Variants in TULP4 observed in about 807,000 individuals in gnomAD.
TULP4 encodes the protein TUB like protein 4, also known as tubby-related protein 4.
Under a neutral mutation model 129.0 loss-of-function variants are expected in TULP4, and 16 were observed. That is an observed-to-expected ratio of 0.12 (90% CI 0.08 to 0.19). TULP4 has a LOEUF of 0.19. TULP4 is among the 10% of genes least tolerant of loss of function. The probability of loss-of-function intolerance (pLI) is 1.00; values close to 1 mark genes in which losing one functional copy is unlikely to be tolerated. For missense variants in TULP4, 1,842 were observed against 2,059.1 expected, an observed-to-expected ratio of 0.89 and a Z score of 2.04; for synonymous variants, 998 against 854.0, an observed-to-expected ratio of 1.17 and a Z score of -2.94.
intron 1 of TULP4, among the ~76,000 whole-genome samples, chr6:158,331,743 ACG>A (rs1491521576): frequency 0.021 from 814 of 38,602 alleles, 165 homozygotes; most frequent in Non-Finnish European, 0.037. Flanking sequence ...GTATATATAT[ACG>A]TGTATATACA....
intron 1 of TULP4, among the ~76,000 whole-genome samples, chr6:158,344,027 C>CA (rs1780246431): frequency 6.6e-6 from 1 of 152,160 alleles, no homozygotes; most frequent in Non-Finnish European, 1.5e-5. Context: ...TGATTTGTTT[C>CA]TTCCCCACCC....
chr6:158,382,150 AAACT>A (rs1302891334), intron 1 of TULP4, among the ~76,000 whole-genome samples: 1 of 152,182 alleles, frequency 6.6e-6, no homozygotes, highest in Non-Finnish European at 1.5e-5. Flanking sequence ...CACTTGTATT[AAACT>A]AACTGTCATG....
At chr6:158,458,183 G>A (rs568635518) in intron 5 of TULP4, among the ~76,000 whole-genome samples, 1 of 152,210 alleles carries the variant, frequency 6.6e-6, no homozygotes, top group Non-Finnish European at 1.5e-5. Flanking sequence ...AAATTTAGCT[G>A]CCTCTTTTTG....
intron 1 of TULP4, among the ~76,000 whole-genome samples, chr6:158,359,725 A>C (rs1157541491): frequency 6.6e-6 from 1 of 152,184 alleles, no homozygotes; most frequent in Non-Finnish European, 1.5e-5. Flanking sequence ...ACAATAGTTT[A>C]TATCCTTCAG....
At chr6:158,310,340 A>C (rs574068665), upstream of TULP4, 102 of 92,778 alleles carry the variant, frequency 1.1e-3, 1 homozygote, top group African/African-American at 3.7e-3. Context: ...TTTTTTTTTG[A>C]GACGGAGTTT....
intron 5 of TULP4, among the ~76,000 whole-genome samples, chr6:158,453,218 G>A (rs368198847): frequency 3.9e-5 from 6 of 151,936 alleles, no homozygotes; most frequent in South Asian, 2.1e-4. Flanking sequence ...CTGTAATCCC[G>A]GCACTTTGGG....
At chr6:158,355,502 G>T (rs1780624803) in intron 1 of TULP4, among the ~76,000 whole-genome samples, 1 of 152,138 alleles carries the variant, frequency 6.6e-6, no homozygotes, top group Non-Finnish European at 1.5e-5. Flanking sequence ...ACCAAGGAAA[G>T]GATATCCTGT....
Position 158,470,871 on chromosome 6 carries a change from A to G in TULP4, c.1027-8880A>G, listed in dbSNP as rs182036380. ...CAGCCAAGATAAAGAATTGGCGACT[A>G]AGCAGCTAGTGAAGAAGTTGAGGCA... On this transcript the variant is annotated intron_variant, in intron 6 of 13. Coordinates refer to ENST00000367097, the MANE Select transcript of TULP4 (RefSeq NM_020245.5). 4.9e-4 allele frequency among the ~76,000 whole-genome samples: 74 copies of G among 152,358 alleles called. 1 individual carries two copies. The highest frequency in any genetic ancestry group is 1.8e-3 in the African/African-American group (73 of 41,582).
intron 1 of TULP4, among the ~76,000 whole-genome samples, chr6:158,383,861 GAC>G (rs1777380479): frequency 2.6e-5 from 4 of 152,236 alleles, no homozygotes; most frequent in Admixed American, 2.6e-4. Flanking sequence ...TGATTAGATG[GAC>G]ACACTTGTTA....
intron 5 of TULP4, among the ~76,000 whole-genome samples, chr6:158,452,795 A>G (rs566404355): frequency 6.6e-6 from 1 of 152,364 alleles, no homozygotes; most frequent in East Asian, 1.9e-4. Flanking sequence ...AAGTGCTGAT[A>G]CCTTCCTGAT....
At chr6:158,286,652 G>GAT (rs775472779) in intron 1 of TULP4, among the ~76,000 whole-genome samples, 4 of 152,180 alleles carry the variant, frequency 2.6e-5, no homozygotes, top group African/African-American at 9.7e-5. Flanking sequence ...GGAGCTTGGG[G>GAT]ATATTTTTAG....
At chr6:158,494,674 T>A (rs900740731) in intron 10 of TULP4, 79 bp from the exon 11 acceptor site, 1 of 1,327,630 alleles carries the variant, frequency 7.5e-7, no homozygotes, top group Non-Finnish European at 1.1e-6. Context: ...GTAATAAATA[T>A]TAACATTCTT....
At chr6:158,388,499 T>A (rs974476698) in intron 1 of TULP4, among the ~76,000 whole-genome samples, 1 of 151,686 alleles carries the variant, frequency 6.6e-6, no homozygotes, top group South Asian at 2.1e-4. Flanking sequence ...CCGGCTAATT[T>A]TTTGTAGTTT....
In TULP4 at chr6:158,423,123, G is replaced by A. The variant is rs1422110740; in HGVS notation, c.382-6613G>A. Among the ~76,000 whole-genome samples the A allele has an allele frequency of 2.3e-4, 2 of 8,798 alleles. 1 individual carries two copies. The highest frequency in any genetic ancestry group is 4.0e-4 in the Non-Finnish European group (2 of 4,970). 5.8% of individuals were successfully genotyped at this position (8,798 alleles called of 152,430 possible). ...AAGACCCCTTCCTCCACAAAAAAGA[G>A]GGGGGGGGGGGGAAAGAAACCTTCC... On this transcript the variant is annotated intron_variant, in intron 2 of 13. Coordinates refer to ENST00000367097, the MANE Select transcript of TULP4 (RefSeq NM_020245.5).
chr6:158,398,332 G>A (rs891993474), intron 1 of TULP4, among the ~76,000 whole-genome samples: 3 of 152,204 alleles, frequency 2.0e-5, no homozygotes, highest in African/African-American at 7.2e-5. Flanking sequence ...AGATTTAGCA[G>A]TTCTCCAAAC....
rs773565295 is a variant in TULP4 at position 158,392,794 on chromosome 6, CTTTTTTTTTT to C, written c.253-20255_253-20246del. ...GTACCTATTGTTTAAATTTGTATTT[CTTTTTTTTTT>C]TTTTTTTTTTTTTTTGAGATGGAGT... is the stretch of plus-strand genomic sequence containing the variant. On this transcript the variant is annotated intron_variant, in intron 1 of 13. Transcript: ENST00000367097. Among the ~76,000 whole-genome samples the C allele has an allele frequency of 4.1e-3, 224 of 54,660 alleles. 6 individuals carry two copies. The highest frequency in any genetic ancestry group is 0.016 in the African/African-American group (189 of 11,470). 35.9% of individuals were successfully genotyped at this position (54,660 alleles called of 152,430 possible).
At chr6:158,365,899 C>CTTTTTTTTTTTTTTTTTTTTTTTCT (rs5881257) in intron 1 of TULP4, among the ~76,000 whole-genome samples, 2 of 57,542 alleles carry the variant, frequency 3.5e-5, no homozygotes, top group African/African-American at 7.3e-5. Flanking sequence ...CTTTTTCTTT[C>CTTTTTTTTTTTTTTTTTTTTTTTCT]TTTTTTTTTT....
chr6:158,252,818 A>G (rs1778168435), intron 1 of TULP4, among the ~76,000 whole-genome samples: 1 of 152,162 alleles, frequency 6.6e-6, no homozygotes, highest in Non-Finnish European at 1.5e-5. Flanking sequence ...TAGGCAGAGC[A>G]GCCCGGTTTT....
intron 3 of TULP4, among the ~76,000 whole-genome samples, chr6:158,440,621 T>C (rs1301281072): frequency 6.6e-6 from 1 of 152,164 alleles, no homozygotes; most frequent in African/African-American, 2.4e-5. Flanking sequence ...ACTAAACATA[T>C]ATAGGAATGG....
Sources: gnomAD v4.1 joint callset for allele counts (sites outside exome capture counted in the v4.1 genomes callset) on GRCh38, gnomAD v4.1.1 for gene constraint, MANE v1.5 for transcripts, NCBI Gene and HGNC (gene_info 2026-07-23, HGNC 2026-07-21) for gene names.